The following MFSD1 variants were observed in gnomAD, a reference collection of about 807,000 sequenced individuals.
MFSD1 encodes lysosomal dipeptide transporter MFSD1.
Under a neutral mutation model 67.1 loss-of-function variants are expected in MFSD1, and 59 were observed. The observed-to-expected ratio is 0.88, with a 90% CI of 0.71 to 1.09. MFSD1 has a LOEUF of 1.09. Ranked by LOEUF, MFSD1 falls within the 50% of genes least tolerant of loss-of-function variation. The pLI is 0.00. For missense variants in MFSD1, 552 were observed against 566.1 expected, an observed-to-expected ratio of 0.97 and a Z score of 0.25; for synonymous variants, 213 against 200.3, an observed-to-expected ratio of 1.06 and a Z score of -0.54.
intron 15 of MFSD1, among the ~76,000 whole-genome samples, chr3:158,827,976 G>GAGAGAGAGAGAT (rs1553759912): frequency 1.3e-5 from 1 of 78,874 alleles, no homozygotes; most frequent in Non-Finnish European, 2.5e-5. Context: ...GAGAGAGAGA[G>GAGAGAGAGAGAT]AGACAGAGAT....
At position 158,829,015 on chromosome 3, in the gene MFSD1, T is replaced by G; in HGVS notation, c.*33T>G. 6.3e-7 allele frequency: 1 copy of G among 1,589,386 alleles called. No homozygotes were observed. The highest frequency in any genetic ancestry group is 1.2e-5 in the South Asian group (1 of 85,144). ...AAATGAATGTGTCATGAGAATGGGC[T>G]TAACACATCGTTGGTTTGAAAACTT... On this transcript the variant is annotated 3_prime_UTR_variant, in exon 16 of 16. Coordinates refer to ENST00000415822, the MANE Select transcript of MFSD1 (RefSeq NM_022736.4).
chr3:158,802,742 C>A, intron 1 of MFSD1: 1 of 362,212 alleles, frequency 2.8e-6, no homozygotes, highest in Non-Finnish European at 5.5e-6. Context: ...GCTCTGTCAC[C>A]CAGCCCGGAG....
At chr3:158,805,730 G>A (rs996932781) in intron 3 of MFSD1, among the ~76,000 whole-genome samples, 3 of 152,166 alleles carry the variant, frequency 2.0e-5, no homozygotes, top group African/African-American at 7.2e-5. Context: ...TCACCCTTGG[G>A]ATCAGGTAAA....
At chr3:158,804,415 C>G (rs1482153534) in intron 2 of MFSD1, 44 bp downstream of exon 2, 2 of 1,536,966 alleles carry the variant, frequency 1.3e-6, no homozygotes, top group Non-Finnish European at 1.8e-6. Flanking sequence ...TTCTTTAGAG[C>G]AAGTGTAGCG....
intron 5 of MFSD1, 183 bp from the exon 6 acceptor site, chr3:158,808,996 G>C (rs565566307): frequency 2.9e-5 from 14 of 489,020 alleles, no homozygotes; most frequent in Non-Finnish European, 3.6e-5. Context: ...GGATCACACT[G>C]TCTCATTTCC....
chr3:158,819,324 G>A (rs946606895), intron 7 of MFSD1, among the ~76,000 whole-genome samples: 4 of 152,264 alleles, frequency 2.6e-5, no homozygotes, highest in East Asian at 3.9e-4. Context: ...GAAGAAATGA[G>A]GACTACATCA....
chr3:158,809,396 A>G (rs1315038964), intron 6 of MFSD1, 109 bp downstream of exon 6: 2 of 691,200 alleles, frequency 2.9e-6, no homozygotes, highest in East Asian at 2.8e-5. Flanking sequence ...TAAATTAGAT[A>G]TTAACTTTTA....
rs918200184 is a variant in MFSD1 at position 158,816,360 on chromosome 3, A to G, written c.652+2293A>G. On this transcript the variant is annotated intron_variant, in intron 7 of 15. Coordinates refer to ENST00000415822, the MANE Select transcript of MFSD1 (RefSeq NM_022736.4). ...TGATCGCCATTGTAACTGGTGTGAG[A>G]TGGTATCTCATTGTGGTTTTGATTT... 8.4e-3 allele frequency among the ~76,000 whole-genome samples: 1,284 copies of G among 152,208 alleles called. 13 individuals carry two copies. Among genetic ancestry groups the G allele is most frequent in the Non-Finnish European group, 0.013 (900 of 67,998 alleles).
At chr3:158,825,784 ACTT>A (rs1730936258) in intron 13 of MFSD1, among the ~76,000 whole-genome samples, 1 of 152,182 alleles carries the variant, frequency 6.6e-6, no homozygotes, top group Non-Finnish European at 1.5e-5. Flanking sequence ...AGGGGCCTCA[ACTT>A]CTTTGTTTCT....
In MFSD1 at chr3:158,819,740, A is replaced by G; in HGVS notation, c.744A>G (p.Gly248=). The G allele has an allele frequency of 1.9e-6, 3 of 1,587,018 alleles. No homozygotes were observed. The highest frequency in any genetic ancestry group is 1.1e-5 in the South Asian group (1 of 89,518). The change falls in exon 8 of 16, where the codon GGA becomes GGG. Residue 248 remains glycine, a synonymous_variant. Transcript: ENST00000415822. The stretch of plus-strand genomic sequence containing the variant: ...AGAGAATCCTTCATAAAGAACAAGG[A>G]AAAACAGGTAAGTCTAAATGAAAGA... ...RAERILHKEQ[G]KTGEVIKLTD... is the part of the protein sequence containing the mutation.
At chr3:158,826,588 A>T (rs1407188414) in intron 14 of MFSD1, among the ~76,000 whole-genome samples, 2 of 151,230 alleles carry the variant, frequency 1.3e-5, no homozygotes, top group African/African-American at 4.9e-5. Context: ...AGAGTTTTAT[A>T]TATTTAGTAG....
Position 158,816,112 on chromosome 3 carries a change from A to T in MFSD1, c.652+2045A>T, listed in dbSNP as rs1259791883. Among the ~76,000 whole-genome samples the T allele has an allele frequency of 2.6e-5, 4 of 152,022 alleles. No individual in the cohort carries two copies. The East Asian group carries it at 7.7e-4, about 29-fold the overall frequency. Reference sequence around the variant, plus strand: ...TATTGTGAATAGTGCCGCAATAAACATACATGTGCATGTGTCTTTATAGCA... The same window carrying T: ...TATTGTGAATAGTGCCGCAATAAACTTACATGTGCATGTGTCTTTATAGCA... On this transcript the variant is annotated intron_variant, in intron 7 of 15. Transcript: ENST00000415822.
At position 158,819,637 on chromosome 3, in the gene MFSD1, T is replaced by G; in HGVS notation, c.653-12T>G. The G allele has an allele frequency of 7.2e-7, 1 of 1,384,718 alleles. No homozygotes were observed. Among genetic ancestry groups the G allele is most frequent in the South Asian group, 1.3e-5 (1 of 76,196 alleles). 85.8% of individuals were successfully genotyped at this position (1,384,718 alleles called of 1,614,324 possible). A position where few individuals can be genotyped will look rare whatever the true frequency, so the allele number is the denominator to read the frequency against. On this transcript the variant is annotated splice_polypyrimidine_tract_variant and intron_variant, in intron 7 of 15. Coordinates refer to ENST00000415822, the MANE Select transcript of MFSD1 (RefSeq NM_022736.4). The stretch of plus-strand genomic sequence containing the variant: ...CAAAGTCTGTTTTTCTTTTTTTTTT[T>G]TTTTTATTTAGGGGGTATAACGTGT...
chr3:158,804,274 T>G lies in MFSD1; in HGVS notation c.164-45T>G, dbSNP rs761309555. On this transcript the variant is annotated intron_variant, in intron 1 of 15. Transcript: ENST00000415822. Reference sequence around the variant, plus strand: ...AGTAGCAACTGCAACTTGAAACTTTTATATGGGAAGTATTATTACTTATAA... The same window carrying G: ...AGTAGCAACTGCAACTTGAAACTTTGATATGGGAAGTATTATTACTTATAA... The G allele has an allele frequency of 7.7e-6, 11 of 1,431,922 alleles. No homozygotes were observed. The East Asian group carries it at 2.6e-4, about 34-fold the overall frequency. The allele number at this position is 1,431,922 out of a possible 1,614,324, so 88.7% of individuals were successfully genotyped here.
intron 7 of MFSD1, among the ~76,000 whole-genome samples, chr3:158,818,256 G>A (rs138992951): frequency 6.6e-6 from 1 of 151,962 alleles, no homozygotes; most frequent in Non-Finnish European, 1.5e-5. Context: ...ATATTTATGG[G>A]TACAATTTGA....
At chr3:158,812,953 G>A (rs1463343648) in intron 6 of MFSD1, among the ~76,000 whole-genome samples, 1 of 151,944 alleles carries the variant, frequency 6.6e-6, no homozygotes, top group Non-Finnish European at 1.5e-5. Context: ...CCTCCCTCAG[G>A]TATCCCCACA....
At chr3:158,821,456 C>G (rs1014969332) in intron 9 of MFSD1, 141 bp from the exon 10 acceptor site, 1 of 601,082 alleles carries the variant, frequency 1.7e-6, no homozygotes, top group Non-Finnish European at 3.0e-6. Flanking sequence ...AGCAGATTGC[C>G]TGAAGGTGAA....
Position 158,807,400 on chromosome 3 carries a change from T to C in MFSD1, c.377T>C (p.Val126Ala). Residue 126 changes from valine (V) to alanine (A), a missense_variant, in exon 5 of 16, where the codon GTT (valine) becomes GCT (alanine). Physicochemically the swap from Val to Ala is moderately conservative, Grantham distance 64. Transcript: ENST00000415822. The part of the protein sequence containing the change: ...FSCFVCIGQV[V>A]FALGGIFNAF... ...ACATGAACTTCTACATTATAGGTTGTTTTTGCCCTGGGTGGAATATTTAAT... is the reference window on the plus strand; with the variant it reads ...ACATGAACTTCTACATTATAGGTTGCTTTTGCCCTGGGTGGAATATTTAAT... The C allele has an allele frequency of 6.2e-7, 1 of 1,611,926 alleles. No individual in the cohort carries two copies. The highest frequency in any genetic ancestry group is 1.1e-5 in the South Asian group (1 of 90,896).
intron 8 of MFSD1, 132 bp downstream of exon 8, chr3:158,819,879 C>T (rs1415348579): frequency 7.6e-6 from 4 of 525,788 alleles, no homozygotes; most frequent in East Asian, 3.2e-5. Flanking sequence ...TTTTTATTTC[C>T]AAATTGATTT....
Sources: allele counts gnomAD v4.1 joint callset (sites outside exome capture counted in the v4.1 genomes callset), GRCh38; gene constraint gnomAD v4.1.1; transcripts MANE v1.5; gene names NCBI Gene and HGNC (gene_info 2026-07-23, HGNC 2026-07-21).